Variants in NEGR1 observed in about 807,000 individuals in gnomAD.
The protein encoded by NEGR1 is IgLON family member 4.
NEGR1 carries 10 observed loss-of-function variants against 40.9 expected under a neutral mutation model. The ratio of observed to expected loss-of-function variants is 0.24; its 90% CI spans 0.15 to 0.42. The LOEUF (loss-of-function observed/expected upper bound fraction) is 0.42, where lower values mean the gene tolerates loss of function less well. Among genes scored for constraint, NEGR1 ranks in the 10% least tolerant of loss-of-function variants. NEGR1 has a pLI of 1.00. For missense variants in NEGR1, 352 were observed against 438.9 expected (o/e 0.80, Z 1.77); for synonymous variants, 185 against 166.8 (o/e 1.11, Z -0.84).
At chr1:71,873,149 A>T (rs611329) in intron 2 of NEGR1, among the ~76,000 whole-genome samples, 1 of 143,766 alleles carries the variant, frequency 7.0e-6, no homozygotes, top group Admixed American at 7.0e-5. Context: ...AGACAAATAG[A>T]GTATTTTGAG....
chr1:71,521,160 T>A (rs557814524), intron 6 of NEGR1, among the ~76,000 whole-genome samples: 1 of 152,132 alleles, frequency 6.6e-6, no homozygotes, highest in East Asian at 1.9e-4. Flanking sequence ...CATTCTAAAG[T>A]CCTAGATTCA....
chr1:71,479,069 A>C (rs1012853572), intron 6 of NEGR1, among the ~76,000 whole-genome samples: 2 of 152,062 alleles, frequency 1.3e-5, no homozygotes, highest in Admixed American at 6.6e-5. Flanking sequence ...AATGTGCAAC[A>C]TAAGTTACTT....
intron 6 of NEGR1, among the ~76,000 whole-genome samples, chr1:71,540,199 G>A (rs1316510926): frequency 6.6e-6 from 1 of 151,732 alleles, no homozygotes; most frequent in Non-Finnish European, 1.5e-5. Context: ...CATTATCACA[G>A]AAGAATAAAT....
intron 2 of NEGR1, among the ~76,000 whole-genome samples, chr1:71,787,394 A>G (rs529609583): frequency 6.6e-6 from 1 of 152,318 alleles, no homozygotes; most frequent in South Asian, 2.1e-4. Context: ...TGTTATGGAT[A>G]AGTAACATAT....
rs1010500921 is a variant in NEGR1 at position 71,399,378 on chromosome 1, T to C, written c.*8068A>G. On this transcript the variant is annotated 3_prime_UTR_variant, in exon 7 of 7. Transcript: ENST00000357731. ...GTTGTTTATCAACAAGAAAAATGTA[T>C]TACAAGAAATTAATTTATTCCAAAT... 4 of 152,184 alleles carry C rather than the reference T, an allele frequency of 2.6e-5. No individual in the cohort carries two copies. The highest frequency in any genetic ancestry group is 6.5e-5 in the Admixed American group (1 of 15,280). 9.4% of individuals were successfully genotyped at this position (152,184 alleles called of 1,614,324 possible). A position where few individuals can be genotyped will look rare whatever the true frequency, so the allele number is the denominator to read the frequency against.
At chr1:72,180,106 A>T (rs1652310850) in intron 1 of NEGR1, among the ~76,000 whole-genome samples, 1 of 152,092 alleles carries the variant, frequency 6.6e-6, no homozygotes, top group African/African-American at 2.4e-5. Context: ...AGTTGGAGGC[A>T]TCACACTTAC....
At chr1:71,628,400 T>A (rs1010840631) in intron 4 of NEGR1, among the ~76,000 whole-genome samples, 3 of 152,026 alleles carry the variant, frequency 2.0e-5, no homozygotes, top group African/African-American at 7.2e-5. Flanking sequence ...ATGATCTTGT[T>A]ATAATTTACC....
At chr1:71,416,148 T>C (rs1170014784) in intron 6 of NEGR1, among the ~76,000 whole-genome samples, 1 of 152,180 alleles carries the variant, frequency 6.6e-6, no homozygotes, top group Non-Finnish European at 1.5e-5. Flanking sequence ...ACACTGTTAG[T>C]GTGGTAAAAA....
At chr1:71,939,740 T>C (rs538818506) in intron 1 of NEGR1, among the ~76,000 whole-genome samples, 75 of 152,136 alleles carry the variant, frequency 4.9e-4, no homozygotes, top group African/African-American at 1.8e-3. Context: ...TACACATAGC[T>C]ACTTGAAATA....
chr1:71,603,259 T>C (rs747700517), intron 5 of NEGR1, among the ~76,000 whole-genome samples: 5 of 152,216 alleles, frequency 3.3e-5, no homozygotes, highest in African/African-American at 4.8e-5. Context: ...AGTACTCTTC[T>C]AAATCAAAAC....
chr1:71,647,256 C>T (rs1272987790), intron 4 of NEGR1, among the ~76,000 whole-genome samples: 2 of 151,748 alleles, frequency 1.3e-5, no homozygotes, highest in African/African-American at 4.8e-5. Flanking sequence ...TCCCCAAATA[C>T]ATTTGGTAGG....
Position 71,903,581 on chromosome 1 carries a change from A to G in NEGR1, c.409+31498T>C, listed in dbSNP as rs182667337. 3.1e-3 allele frequency among the ~76,000 whole-genome samples: 474 copies of G among 152,116 alleles called. 8 individuals carry two copies. Among genetic ancestry groups the G allele is most frequent in the Non-Finnish European group, 7.8e-4 (53 of 67,892 alleles). On this transcript the variant is annotated intron_variant, in intron 2 of 6. Coordinates refer to ENST00000357731, the MANE Select transcript of NEGR1 (RefSeq NM_173808.3). Reference sequence around the variant, plus strand: ...CATGAATAAGGTGATACATTTAATCATGTGACAACAGTGATTAACTATGGA... The same window carrying G: ...CATGAATAAGGTGATACATTTAATCGTGTGACAACAGTGATTAACTATGGA...
chr1:72,121,213 C>T (rs571570667), intron 1 of NEGR1, among the ~76,000 whole-genome samples: 1 of 152,096 alleles, frequency 6.6e-6, no homozygotes, highest in South Asian at 2.1e-4. Flanking sequence ...AAGCCAAAGT[C>T]AATCTTTTTG....
At chr1:71,774,994 A>G (rs1352633750) in intron 3 of NEGR1, among the ~76,000 whole-genome samples, 1 of 152,216 alleles carries the variant, frequency 6.6e-6, no homozygotes, top group Non-Finnish European at 1.5e-5. Flanking sequence ...ATCCTGCACA[A>G]GCTACATAAA....
At chr1:71,991,390 C>T (rs1646449454) in intron 1 of NEGR1, among the ~76,000 whole-genome samples, 1 of 152,158 alleles carries the variant, frequency 6.6e-6, no homozygotes, top group Non-Finnish European at 1.5e-5. Context: ...CTCCCTCCCA[C>T]CAATAGCAAA....
Position 72,173,998 on chromosome 1 carries a change from T to C in NEGR1, c.176+108321A>G, listed in dbSNP as rs190715618. Among the ~76,000 whole-genome samples, 396 of 152,254 alleles carry C rather than the reference T, an allele frequency of 2.6e-3. 1 individual carries two copies. The highest frequency in any genetic ancestry group is 9.2e-3 in the African/African-American group (381 of 41,554). On this transcript the variant is annotated intron_variant, in intron 1 of 6. Transcript: ENST00000357731. ...CAATGCTAATAAAGTTGTAACTTCCTGGAATGCTTATAATAATCAAACTAC... is the reference window on the plus strand; with the variant it reads ...CAATGCTAATAAAGTTGTAACTTCCCGGAATGCTTATAATAATCAAACTAC...
Position 71,935,227 on chromosome 1 carries a change from C to T in NEGR1, c.261G>A (p.Val87=), listed in dbSNP as rs775785811. 1.9e-6 allele frequency: 3 copies of T among 1,613,926 alleles called. No individual in the cohort carries two copies. The South Asian group carries it at 3.3e-5, about 18-fold the overall frequency. The change falls in exon 2 of 7, where the codon GTG becomes GTA. Residue 87 remains valine (V), a synonymous_variant. Transcript: ENST00000357731. The stretch of plus-strand genomic sequence containing the variant: ...ATGTTGAAATTGAAACTCGAGGATC[C>T]ACTGACCACTTATCACCTCCCGCAA... ...IIFAGGDKWS[V]DPRVSISTLN...
intron 1 of NEGR1, among the ~76,000 whole-genome samples, chr1:72,122,960 C>G (rs1417441118): frequency 6.6e-6 from 1 of 151,826 alleles, no homozygotes; most frequent in Non-Finnish European, 1.5e-5. Flanking sequence ...TTGAATATGT[C>G]TAAATAATGG....
At chr1:72,134,625 A>G (rs541134235) in intron 1 of NEGR1, among the ~76,000 whole-genome samples, 1 of 129,438 alleles carries the variant, frequency 7.7e-6, no homozygotes, top group East Asian at 2.3e-4. Context: ...TATAAGATCT[A>G]GATAAGATTA....
Sources: gnomAD v4.1 joint callset for allele counts (sites outside exome capture counted in the v4.1 genomes callset) on GRCh38, gnomAD v4.1.1 for gene constraint, MANE v1.5 for transcripts, NCBI Gene and HGNC (gene_info 2026-07-23, HGNC 2026-07-21) for gene names.